Variants in PKD2 observed in about 807,000 individuals in gnomAD.
PKD2 encodes the protein polycystin-2.
In PKD2, 48 loss-of-function variants were observed where a neutral mutation model predicts 105.9. That is an observed-to-expected ratio of 0.45 (90% CI 0.36 to 0.58). The LOEUF is 0.58. PKD2 is among the 20% of genes least tolerant of loss of function. The probability of loss-of-function intolerance (pLI) is 0.00; values close to 1 mark genes in which losing one functional copy is unlikely to be tolerated. For missense variants in PKD2, 1,078 were observed against 1,255.3 expected, an observed-to-expected ratio of 0.86 and a Z score of 2.13; for synonymous variants, 464 against 481.1, an observed-to-expected ratio of 0.96 and a Z score of 0.46.
At chr4:88,043,574 C>T (rs1303974422) in intron 5 of PKD2, 117 bp downstream of exon 5, 2 of 704,764 alleles carry the variant, frequency 2.8e-6, no homozygotes, top group Non-Finnish European at 5.0e-6. Flanking sequence ...GCCAAGGACC[C>T]AGACGGATAG....
intron 2 of PKD2, among the ~76,000 whole-genome samples, chr4:88,023,975 G>A (rs540314800): frequency 6.6e-6 from 1 of 152,186 alleles, no homozygotes; most frequent in Admixed American, 6.5e-5. Flanking sequence ...AATGACATGA[G>A]AATTAAGTAA....
chr4:88,068,870 A>G (rs913181784), intron 13 of PKD2, among the ~76,000 whole-genome samples: 2 of 152,146 alleles, frequency 1.3e-5, no homozygotes, highest in African/African-American at 4.8e-5. Flanking sequence ...TATTAGTTGG[A>G]GTTCATCCCT....
chr4:88,029,098 G>T (rs900666600), intron 2 of PKD2, among the ~76,000 whole-genome samples: 1 of 152,112 alleles, frequency 6.6e-6, no homozygotes, highest in African/African-American at 2.4e-5. Context: ...CTCCTAAAAA[G>T]CCCTCACCAA....
At chr4:88,049,421 C>T (rs1199602545) in intron 6 of PKD2, among the ~76,000 whole-genome samples, 4 of 152,206 alleles carry the variant, frequency 2.6e-5, no homozygotes, top group African/African-American at 4.8e-5. Context: ...GGCTCAACAG[C>T]CACAGCATTT....
chr4:88,030,726 G>T (rs1400695457), intron 2 of PKD2, among the ~76,000 whole-genome samples: 1 of 152,198 alleles, frequency 6.6e-6, no homozygotes, highest in Non-Finnish European at 1.5e-5. Context: ...CTTCACACAG[G>T]GTTGTCAGAC....
chr4:88,059,384 T>A (rs1720477616), intron 9 of PKD2, among the ~76,000 whole-genome samples: 1 of 152,212 alleles, frequency 6.6e-6, no homozygotes, highest in South Asian at 2.1e-4. Flanking sequence ...CTTCGGATTC[T>A]AGAGTACCTG....
At chr4:88,066,355 T>C (rs1720795745) in intron 12 of PKD2, among the ~76,000 whole-genome samples, 1 of 147,730 alleles carries the variant, frequency 6.8e-6, no homozygotes, top group Non-Finnish European at 1.5e-5. Flanking sequence ...AATTGTTAAC[T>C]TTTTTTTCTT....
At position 88,038,626 on chromosome 4, in the gene PKD2, T is replaced by G. The variant is rs1225029957; in HGVS notation, c.1094+125T>G. 5 of 981,312 alleles carry G rather than the reference T, an allele frequency of 5.1e-6. No homozygotes were observed. In the African/African-American group the frequency reaches 8.0e-5, roughly 16 times the overall value. 60.8% of individuals were successfully genotyped at this position (981,312 alleles called of 1,614,324 possible). On this transcript the variant is annotated intron_variant, in intron 4 of 14. Transcript: ENST00000237596. Reference sequence around the variant, plus strand: ...AAAAATAAGTTCAGTGACTCTTCAGTGCTTATATTTAAACCTTGGCCAACT... The same window carrying G: ...AAAAATAAGTTCAGTGACTCTTCAGGGCTTATATTTAAACCTTGGCCAACT...
At chr4:88,038,640 C>T (rs1392129845) in intron 4 of PKD2, 139 bp downstream of exon 4, 4 of 874,684 alleles carry the variant, frequency 4.6e-6, no homozygotes, top group East Asian at 2.5e-5. Flanking sequence ...TATATTTAAA[C>T]CTTGGCCAAC....
At chr4:88,070,698 T>A (rs1338223137) in intron 13 of PKD2, among the ~76,000 whole-genome samples, 3 of 149,850 alleles carry the variant, frequency 2.0e-5, no homozygotes, top group African/African-American at 7.4e-5. Context: ...AGTGGTGTAA[T>A]CATGGCTCTC....
At chr4:88,026,906 G>A (rs1726979006) in intron 2 of PKD2, among the ~76,000 whole-genome samples, 1 of 152,230 alleles carries the variant, frequency 6.6e-6, no homozygotes, top group African/African-American at 2.4e-5. Context: ...CAGCTTCCAT[G>A]TGGTGTTGGG....
At position 88,038,418 on chromosome 4, in the gene PKD2, G is replaced by C; in HGVS notation, c.1011G>C (p.Leu337Phe). The change falls in exon 4 of 15, where the codon TTG becomes TTC. Residue 337 changes from leucine to phenylalanine, a missense_variant. By Grantham distance (22) the Leu-to-Phe change is conservative. Transcript: ENST00000237596. ...GATCCTGCTCTATCCCCCAGGACTTGAGAGATGAAATTAAAGAGTGCTATG... is the reference window on the plus strand; with the variant it reads ...GATCCTGCTCTATCCCCCAGGACTTCAGAGATGAAATTAAAGAGTGCTATG... ...RNGSCSIPQDLRDEIKECYDV... is the reference protein window; with the variant it reads ...RNGSCSIPQDFRDEIKECYDV... 6.2e-7 allele frequency: 1 copy of C among 1,613,630 alleles called. No homozygotes were observed. The highest frequency in any genetic ancestry group is 8.5e-7 in the Non-Finnish European group (1 of 1,179,574).
At position 88,021,067 on chromosome 4, in the gene PKD2, A is replaced by C. The variant is rs1390523020; in HGVS notation, c.709+1496A>C. Among the ~76,000 whole-genome samples, 6 of 152,236 alleles carry C rather than the reference A, an allele frequency of 3.9e-5. No individual in the cohort carries two copies. In the East Asian group the frequency reaches 1.2e-3, roughly 29 times the overall value. Reference sequence around the variant, plus strand: ...TGCTGCCTGCATTAAAATGATGCTTAAACATTAAACTGCAGTGGCCTTAAA... The same window carrying C: ...TGCTGCCTGCATTAAAATGATGCTTCAACATTAAACTGCAGTGGCCTTAAA... On this transcript the variant is annotated intron_variant, in intron 2 of 14. Transcript: ENST00000237596.
At chr4:88,075,210 T>C (rs1301557078) in intron 14 of PKD2, among the ~76,000 whole-genome samples, 1 of 152,268 alleles carries the variant, frequency 6.6e-6, no homozygotes, top group Admixed American at 6.5e-5. Flanking sequence ...GCTGAGATGT[T>C]TATCTTTCTC....
At position 88,072,661 on chromosome 4, in the gene PKD2, C is replaced by T. The variant is rs556374180; in HGVS notation, c.2523-2151C>T. Among the ~76,000 whole-genome samples, 4 of 152,296 alleles carry T rather than the reference C, an allele frequency of 2.6e-5. No individual in the cohort carries two copies. In the East Asian group the frequency reaches 5.8e-4, roughly 22 times the overall value. On this transcript the variant is annotated intron_variant, in intron 13 of 14. Transcript: ENST00000237596. ...CTTCTGGCATGGAAACTCCACCCTA[C>T]AAGTGGGAACTGAGTGGAAGAAGAG...
rs1211163639 is a variant in PKD2, at chr4:88,077,318, T to G, written c.*1624T>G. ...CTCATGGCTTCATCTCTATCTTTACTTTCTCTTGAATATGCTACACAAAGT... is the reference window on the plus strand; with the variant it reads ...CTCATGGCTTCATCTCTATCTTTACGTTCTCTTGAATATGCTACACAAAGT... On this transcript the variant is annotated 3_prime_UTR_variant, in exon 15 of 15. Coordinates refer to ENST00000237596, the MANE Select transcript of PKD2 (RefSeq NM_000297.4). 1 of 152,668 alleles carries G rather than the reference T, an allele frequency of 6.6e-6. No individual in the cohort carries two copies. The highest frequency in any genetic ancestry group is 2.4e-5 in the African/African-American group (1 of 41,468). The allele number at this position is 152,668 out of a possible 1,614,324, so 9.5% of individuals were successfully genotyped here.
At chr4:88,060,095 ACTTT>A (rs1720515098) in intron 9 of PKD2, among the ~76,000 whole-genome samples, 1 of 152,172 alleles carries the variant, frequency 6.6e-6, no homozygotes, top group African/African-American at 2.4e-5. Context: ...TTTCTCAAGC[ACTTT>A]CTATTTTTTG....
intron 6 of PKD2, 44 bp from the exon 7 acceptor site, chr4:88,051,947 A>G (rs1720119372): frequency 1.8e-6 from 2 of 1,138,046 alleles, no homozygotes; most frequent in East Asian, 2.5e-5. Flanking sequence ...TAAGTTTCAT[A>G]TTTCTAAAAC....
intron 4 of PKD2, among the ~76,000 whole-genome samples, chr4:88,039,673 A>AAC (rs1225207119): frequency 1.3e-5 from 2 of 151,924 alleles, no homozygotes; most frequent in African/African-American, 4.8e-5. Context: ...TCAAAAAAAA[A>AAC]AAAAAACAAA....
Sources: allele counts gnomAD v4.1 joint callset (sites outside exome capture counted in the v4.1 genomes callset), GRCh38; gene constraint gnomAD v4.1.1; transcripts MANE v1.5; gene names NCBI Gene and HGNC (gene_info 2026-07-23, HGNC 2026-07-21).